Variants in IQCK observed in about 807,000 individuals in gnomAD.
IQCK encodes IQ domain-containing protein K.
A neutral mutation model predicts 28.1 loss-of-function variants in IQCK; 29 were observed. That is an observed-to-expected ratio of 1.03 (90% confidence interval 0.77 to 1.41). The LOEUF (loss-of-function observed/expected upper bound fraction) is 1.41. Ranked by LOEUF, IQCK falls within the 40% of genes most tolerant of loss-of-function variation. The pLI, the probability that IQCK is intolerant of heterozygous loss-of-function variation, is 0.00. For missense variants in IQCK, 359 were observed against 314.7 expected, an observed-to-expected ratio of 1.14 and a Z score of -1.07; for synonymous variants, 113 against 115.1, an observed-to-expected ratio of 0.98 and a Z score of 0.12.
At chr16:19,741,950 GC>G (rs1267635886) in intron 4 of IQCK, among the ~76,000 whole-genome samples, 1 of 152,154 alleles carries the variant, frequency 6.6e-6, no homozygotes, top group Non-Finnish European at 1.5e-5. Context: ...TCTCATCACT[GC>G]AGTCCAACCT....
intron 7 of IQCK, among the ~76,000 whole-genome samples, chr16:19,826,722 CT>C (rs1271354050): frequency 6.6e-6 from 1 of 152,156 alleles, no homozygotes; most frequent in Admixed American, 6.5e-5. Context: ...CTTGCTTTTA[CT>C]TTTTAAAATG....
At chr16:19,778,682 A>G (rs1009951434) in intron 6 of IQCK, among the ~76,000 whole-genome samples, 7 of 152,222 alleles carry the variant, frequency 4.6e-5, no homozygotes, top group Admixed American at 2.0e-4. Flanking sequence ...TAAAAACAAA[A>G]TAAAAAATAA....
exon 3 of IQCK, chr16:19,733,744 A>C (rs1379861449): frequency 6.2e-7 from 1 of 1,614,100 alleles, no homozygotes; most frequent in East Asian, 2.2e-5. Context: ...AGTGCAGAGC[A>C]CTATTTTCCG....
chr16:19,857,470 C>A (rs775932697), exon 10 of IQCK: 2 of 437,334 alleles, frequency 4.6e-6, no homozygotes, highest in Admixed American at 2.6e-5. Flanking sequence ...AACAGTCAGC[C>A]GGGGGAAGAT....
chr16:19,820,010 A>G (rs56871459), intron 7 of IQCK, among the ~76,000 whole-genome samples: 11,804 of 152,138 alleles, frequency 0.078, 1,464 homozygotes, highest in African/African-American at 0.26. Flanking sequence ...CTCTTCAACA[A>G]ATGGCTCTGG....
chr16:19,809,984 G>A (rs1397381855), intron 7 of IQCK, among the ~76,000 whole-genome samples: 3 of 152,128 alleles, frequency 2.0e-5, no homozygotes, highest in Admixed American at 6.6e-5. Flanking sequence ...CCAGGGCGGC[G>A]ATAACAATCC....
chr16:19,737,621 A>G (rs1206745423), intron 4 of IQCK, among the ~76,000 whole-genome samples: 2 of 152,298 alleles, frequency 1.3e-5, no homozygotes, highest in East Asian at 3.9e-4. Context: ...GTGGTTCACC[A>G]TTTGACAACA....
chr16:19,846,714 T>G (rs2056418759), intron 9 of IQCK, among the ~76,000 whole-genome samples: 1 of 152,170 alleles, frequency 6.6e-6, no homozygotes, highest in Admixed American at 6.5e-5. Context: ...GGAGGTAAAT[T>G]TACCAGGCTA....
At chr16:19,831,491 G>A (rs1042217898), downstream of IQCK, among the ~76,000 whole-genome samples, 3 of 152,006 alleles carry the variant, frequency 2.0e-5, no homozygotes, top group South Asian at 6.2e-4. Context: ...GGGTAGTGTG[G>A]GGGGTTACAA....
intron 9 of IQCK, among the ~76,000 whole-genome samples, chr16:19,853,463 G>A (rs1463806340): frequency 6.6e-6 from 1 of 152,196 alleles, no homozygotes; most frequent in Non-Finnish European, 1.5e-5. Context: ...GTCAAGGTAT[G>A]GACAGGAATT....
chr16:19,736,052 A>G (rs2151685651), intron 4 of IQCK: 1 of 452,734 alleles, frequency 2.2e-6, no homozygotes, highest in South Asian at 1.6e-5. Context: ...GGCAATAGCA[A>G]GACCCTCAAC....
At chr16:19,804,290 G>C (rs1457520697) in intron 7 of IQCK, among the ~76,000 whole-genome samples, 1 of 151,884 alleles carries the variant, frequency 6.6e-6, no homozygotes, top group East Asian at 1.9e-4. Context: ...GTTGCAGTGA[G>C]TTGAGATCAC....
chr16:19,851,885 C>T (rs2056488430), intron 9 of IQCK, among the ~76,000 whole-genome samples: 1 of 152,204 alleles, frequency 6.6e-6, no homozygotes, highest in Non-Finnish European at 1.5e-5. Flanking sequence ...CCTCCCTCCG[C>T]TGATCAAGTA....
At position 19,846,278 on chromosome 16, in the gene IQCK, T is replaced by G. The variant is rs368732773; in HGVS notation, c.803-10209T>G. On this transcript the variant is annotated intron_variant, in intron 9 of 9. Transcript: ENST00000320394. ...GGTAGGATTCAAAGCCGGAGCTGCC[T>G]TCTCCCAAGTGGTGTGCTCTAAGCA... Among the ~76,000 whole-genome samples the G allele has an allele frequency of 3.1e-4, 47 of 152,286 alleles. No homozygotes were observed. In the East Asian group the frequency reaches 8.7e-3, roughly 28 times the overall value.
rs538131203 is a variant in IQCK at position 19,846,951 on chromosome 16, A to G, written c.803-9536A>G. On this transcript the variant is annotated intron_variant, in intron 9 of 9. Coordinates refer to the IQCK transcript ENST00000320394. ...ACTTTAGGGACCAATTCTTACTCCA[A>G]GGTGGTGTCAGATGATGGTTAAGAC... Among the ~76,000 whole-genome samples the G allele has an allele frequency of 3.3e-5, 5 of 152,252 alleles. No individual in the cohort carries two copies. The South Asian group carries it at 6.2e-4, about 19-fold the overall frequency.
chr16:19,728,448 C>T (rs1977728077), intron 1 of IQCK, among the ~76,000 whole-genome samples: 1 of 152,112 alleles, frequency 6.6e-6, no homozygotes, highest in African/African-American at 2.4e-5. Flanking sequence ...TGGGGTTTCA[C>T]CATGTTAACC....
rs573505762 is a variant in IQCK, at chr16:19,801,302, CT to C, written c.690+12396del. 3.5e-3 allele frequency among the ~76,000 whole-genome samples: 312 copies of C among 87,898 alleles called. 3 individuals are homozygous for C. Among genetic ancestry groups the C allele is most frequent in the East Asian group, 0.024 (76 of 3,136 alleles). 57.7% of individuals were successfully genotyped at this position (87,898 alleles called of 152,430 possible). ...ACAGTCTTTCTCTCTCTCTCTCTCT[CT>C]TTTTTTTTTTTTTTTATGAGACAGG... On this transcript the variant is annotated intron_variant, in intron 7 of 7. Coordinates refer to ENST00000564186, the Ensembl canonical transcript of IQCK.
intron 9 of IQCK, among the ~76,000 whole-genome samples, chr16:19,839,950 T>C (rs752229496): frequency 3.3e-5 from 5 of 151,694 alleles, no homozygotes; most frequent in African/African-American, 7.3e-5. Flanking sequence ...GAGCTATGGT[T>C]GTGCCACTGC....
intron 4 of IQCK, among the ~76,000 whole-genome samples, chr16:19,763,175 A>G (rs182205400): frequency 4.8e-4 from 73 of 152,334 alleles, no homozygotes; most frequent in African/African-American, 1.7e-3. Context: ...CTGTTGACTT[A>G]CCAGTAACAC....
Sources: allele counts gnomAD v4.1 joint callset (sites outside exome capture counted in the v4.1 genomes callset), GRCh38; gene constraint gnomAD v4.1.1; transcripts MANE v1.5; gene names NCBI Gene and HGNC (gene_info 2026-07-23, HGNC 2026-07-21).